The following ELP4 variants were observed in gnomAD, a reference collection of about 807,000 sequenced individuals.
The protein encoded by ELP4 is elongator acetyltransferase complex subunit 4.
ELP4 carries 51 observed loss-of-function variants against 48.9 expected under a neutral mutation model. The observed-to-expected ratio is 1.04, with a 90% confidence interval of 0.83 to 1.32. ELP4 has a LOEUF of 1.32. Ranked by LOEUF, ELP4 falls within the 40% of genes most tolerant of loss-of-function variation. The pLI, the probability that ELP4 is intolerant of heterozygous loss-of-function variation, is 0.00. For synonymous variants in ELP4, 210 were observed against 189.2 expected (o/e 1.11, Z -0.90); for missense variants, 519 against 514.6 (o/e 1.01, Z -0.08).
At chr11:31,567,806 G>A (rs529539250) in intron 3 of ELP4, among the ~76,000 whole-genome samples, 1 of 152,104 alleles carries the variant, frequency 6.6e-6, no homozygotes, top group African/African-American at 2.4e-5. Flanking sequence ...AATTTAAAAA[G>A]ACCTTATTGC....
At chr11:31,568,183 A>G (rs1189341279) in intron 3 of ELP4, among the ~76,000 whole-genome samples, 2 of 152,226 alleles carry the variant, frequency 1.3e-5, no homozygotes, top group Admixed American at 6.5e-5. Flanking sequence ...AGCCAAATCA[A>G]GAATGCAGTG....
At chr11:31,621,994 A>G (rs1490386329) in intron 5 of ELP4, among the ~76,000 whole-genome samples, 1 of 151,854 alleles carries the variant, frequency 6.6e-6, no homozygotes, top group Non-Finnish European at 1.5e-5. Flanking sequence ...TAAAATCTCA[A>G]CCATAAAATG....
chr11:31,560,693 T>TG (rs1957006282), intron 3 of ELP4, among the ~76,000 whole-genome samples: 1 of 147,740 alleles, frequency 6.8e-6, no homozygotes, highest in Non-Finnish European at 1.5e-5. Flanking sequence ...CATTGTTTTA[T>TG]ATATATATAA....
chr11:31,629,198 A>C (rs1944808897), intron 6 of ELP4, among the ~76,000 whole-genome samples: 1 of 152,044 alleles, frequency 6.6e-6, no homozygotes, highest in South Asian at 2.1e-4. Flanking sequence ...ATATATGATA[A>C]AAATGAAATT....
At position 31,551,552 on chromosome 11, in the gene ELP4, A is replaced by T. The variant is rs1013339831; in HGVS notation, c.381+11769A>T. Among the ~76,000 whole-genome samples, 7 of 152,324 alleles carry T rather than the reference A, an allele frequency of 4.6e-5. No homozygotes were observed. In the East Asian group the frequency reaches 1.4e-3, roughly 29 times the overall value. ...CTAGATCTTGTTAAGACAAATTAGTATAAGTTTATTTTGGTGCAGAAAAGT... is the reference window on the plus strand; with the variant it reads ...CTAGATCTTGTTAAGACAAATTAGTTTAAGTTTATTTTGGTGCAGAAAAGT... On this transcript the variant is annotated intron_variant, in intron 3 of 9. Coordinates refer to ENST00000640961, the MANE Select transcript of ELP4 (RefSeq NM_019040.5).
At chr11:31,656,750 G>T (rs1029945491) in intron 9 of ELP4, among the ~76,000 whole-genome samples, 1 of 151,984 alleles carries the variant, frequency 6.6e-6, no homozygotes, top group African/African-American at 2.4e-5. Flanking sequence ...CCTCAGCATT[G>T]TCTAAATATG....
chr11:31,519,154 G>T (rs948374265), intron 1 of ELP4, among the ~76,000 whole-genome samples: 11 of 152,036 alleles, frequency 7.2e-5, no homozygotes, highest in Non-Finnish European at 1.5e-4. Flanking sequence ...TAGTAATACC[G>T]AAAATGTATT....
At chr11:31,702,242 G>A (rs1946539756) in intron 9 of ELP4, among the ~76,000 whole-genome samples, 2 of 152,050 alleles carry the variant, frequency 1.3e-5, no homozygotes, top group African/African-American at 4.8e-5. Context: ...GTTCAAAGCT[G>A]CAGTAAACTG....
chr11:31,721,068 G>T (rs1332961064), intron 9 of ELP4, among the ~76,000 whole-genome samples: 1 of 152,312 alleles, frequency 6.6e-6, no homozygotes, highest in East Asian at 1.9e-4. Flanking sequence ...AGCTTTGGAA[G>T]CTGTCTTATA....
At chr11:31,555,827 A>G (rs1220188744) in intron 3 of ELP4, among the ~76,000 whole-genome samples, 1 of 151,974 alleles carries the variant, frequency 6.6e-6, no homozygotes, top group South Asian at 2.1e-4. Flanking sequence ...GACCTCAATT[A>G]CAGTTATACT....
intron 9 of ELP4, among the ~76,000 whole-genome samples, chr11:31,693,826 G>A (rs1446366421): frequency 1.3e-5 from 2 of 152,124 alleles, no homozygotes; most frequent in Non-Finnish European, 2.9e-5. Context: ...AGCAACTGTT[G>A]TTTCCTGACT....
At chr11:31,589,737 A>G (rs950244254) in intron 3 of ELP4, among the ~76,000 whole-genome samples, 2 of 152,182 alleles carry the variant, frequency 1.3e-5, no homozygotes, top group Non-Finnish European at 2.9e-5. Flanking sequence ...TGTCTCCATC[A>G]GTTTTGACCT....
At chr11:31,745,871 A>G (rs1947577353) in intron 9 of ELP4, among the ~76,000 whole-genome samples, 4 of 152,116 alleles carry the variant, frequency 2.6e-5, no homozygotes, top group South Asian at 2.1e-4. Flanking sequence ...CAATGGCAAC[A>G]AAAGCCAAAA....
chr11:31,774,434 A>G (rs77211898), intron 9 of ELP4, among the ~76,000 whole-genome samples: 3,258 of 152,244 alleles, frequency 0.021, 112 homozygotes, highest in African/African-American at 0.074. Context: ...GGGTATTTTC[A>G]ACCCCATGGG....
chr11:31,675,717 A>G (rs1373657195), intron 9 of ELP4, among the ~76,000 whole-genome samples: 3 of 152,170 alleles, frequency 2.0e-5, no homozygotes, highest in Non-Finnish European at 4.4e-5. Context: ...CCTTCCCTCT[A>G]AAAACTCTAT....
At chr11:31,754,420 C>T (rs1030966130) in intron 9 of ELP4, among the ~76,000 whole-genome samples, 1 of 152,112 alleles carries the variant, frequency 6.6e-6, no homozygotes, top group Non-Finnish European at 1.5e-5. Context: ...GCTTGCCAAC[C>T]ATGTTCTTAC....
At chr11:31,759,673 G>A (rs749059374) in intron 9 of ELP4, among the ~76,000 whole-genome samples, 10 of 150,552 alleles carry the variant, frequency 6.6e-5, no homozygotes, top group South Asian at 2.1e-4. Flanking sequence ...GCCCTACCTC[G>A]TTTAAGTGTT....
chr11:31,774,582 T>C (rs1170624681), intron 9 of ELP4, among the ~76,000 whole-genome samples: 1 of 152,236 alleles, frequency 6.6e-6, no homozygotes, highest in Non-Finnish European at 1.5e-5. Context: ...GGCAAGAAGC[T>C]ACCAACACAC....
intron 3 of ELP4, among the ~76,000 whole-genome samples, chr11:31,562,934 A>G (rs1326179551): frequency 6.6e-6 from 1 of 152,142 alleles, no homozygotes; most frequent in Admixed American, 6.5e-5. Context: ...CTATTAATAC[A>G]TGGATACTCA....
Sources: allele counts gnomAD v4.1 joint callset (sites outside exome capture counted in the v4.1 genomes callset), GRCh38; gene constraint gnomAD v4.1.1; transcripts MANE v1.5; gene names NCBI Gene and HGNC (gene_info 2026-07-23, HGNC 2026-07-21).